The following KDM4A variants were observed in gnomAD, a reference collection of about 807,000 sequenced individuals.
The protein encoded by KDM4A is lysine-specific demethylase 4A.
A neutral mutation model predicts 127.1 loss-of-function variants in KDM4A; 23 were observed. The observed-to-expected ratio is 0.18, with a 90% confidence interval of 0.13 to 0.26. The LOEUF is 0.26. Ranked by LOEUF, KDM4A falls within the 10% of genes least tolerant of loss-of-function variation. The probability of loss-of-function intolerance (pLI) is 1.00; values close to 1 mark genes in which losing one functional copy is unlikely to be tolerated. For synonymous variants in KDM4A, 443 were observed against 466.5 expected (o/e 0.95, Z 0.65); for missense variants, 890 against 1,329.1 (o/e 0.67, Z 5.14).
chr1:43,692,348 TC>T, intron 16 of KDM4A, 37 bp downstream of exon 16: 1 of 1,573,968 alleles, frequency 6.4e-7, no homozygotes, highest in South Asian at 1.1e-5. Flanking sequence ...ATGCACAGGC[TC>T]AGTTCCGAAG....
intron 19 of KDM4A, among the ~76,000 whole-genome samples, chr1:43,701,513 G>A (rs1661393134): frequency 6.6e-6 from 1 of 151,864 alleles, no homozygotes; most frequent in South Asian, 2.1e-4. Context: ...TTAAAGACAG[G>A]GTCCTGCTCT....
chr1:43,675,527 CATG>C (rs770369087), intron 11 of KDM4A, among the ~76,000 whole-genome samples: 21 of 152,124 alleles, frequency 1.4e-4, no homozygotes, highest in Admixed American at 1.2e-3. Flanking sequence ...TCTAAATGCT[CATG>C]ATAACTCATG....
At chr1:43,690,190 C>T (rs1661076103) in intron 13 of KDM4A, among the ~76,000 whole-genome samples, 1 of 152,234 alleles carries the variant, frequency 6.6e-6, no homozygotes, top group Non-Finnish European at 1.5e-5. Flanking sequence ...AGGTGACCTG[C>T]TGACAGGCAC....
At chr1:43,656,274 C>T (rs557048008) in intron 3 of KDM4A, among the ~76,000 whole-genome samples, 3 of 138,088 alleles carry the variant, frequency 2.2e-5, no homozygotes, top group African/African-American at 8.2e-5. Context: ...ATTCCTGTCT[C>T]TTTTAGAGAT....
intron 6 of KDM4A, 140 bp downstream of exon 6, chr1:43,665,885 T>C: frequency 5.0e-6 from 4 of 801,238 alleles, no homozygotes; most frequent in Non-Finnish European, 8.5e-6. Flanking sequence ...CCACACTGGT[T>C]ACCTTAAGAG....
chr1:43,667,951 C>T lies in KDM4A; in HGVS notation c.1095C>T (p.Asn365=), dbSNP rs548185351. Reference sequence around the variant, plus strand: ...GTGAACTGCCTCCAAGAGCTGGCAACGAGGAGGAGTGCCCAGAGGAGGACA... The same window carrying T: ...GTGAACTGCCTCCAAGAGCTGGCAATGAGGAGGAGTGCCCAGAGGAGGACA... The part of the protein sequence containing the change: ...KESELPPRAG[N]EEECPEEDME... The change falls in exon 9 of 22, where the codon AAC becomes AAT. Residue 365 remains asparagine (N), a synonymous_variant. Transcript: ENST00000372396. 3.7e-5 allele frequency: 60 copies of T among 1,614,006 alleles called. No individual in the cohort carries two copies. Among genetic ancestry groups the T allele is most frequent in the South Asian group, 2.9e-4 (26 of 91,080 alleles).
intron 19 of KDM4A, among the ~76,000 whole-genome samples, chr1:43,700,842 C>T (rs1661370956): frequency 6.7e-6 from 1 of 148,952 alleles, no homozygotes. Flanking sequence ...CCTTTTATAA[C>T]ATCATACTTT....
Position 43,683,703 on chromosome 1 carries a change from T to C in KDM4A, c.1754T>C (p.Phe585Ser), listed in dbSNP as rs770085376. Residue 585 changes from phenylalanine (F) to serine (S), a missense_variant, in exon 12 of 22, where the codon TTT becomes TCT. By Grantham distance (155) the Phe-to-Ser change is radical. Coordinates refer to ENST00000372396, the MANE Select transcript of KDM4A (RefSeq NM_014663.3). ...GCCCAGGTTGCAGATGAATACATGTTTTCCCTAGAAGAGAATAAGAAGTCC... is the reference window on the plus strand; with the variant it reads ...GCCCAGGTTGCAGATGAATACATGTCTTCCCTAGAAGAGAATAAGAAGTCC... Reference protein sequence around the residue: ...ELAEVADEYMFSLEENKKSKG... With the variant: ...ELAEVADEYMSSLEENKKSKG... 3 of 1,613,442 alleles carry C rather than the reference T, an allele frequency of 1.9e-6. No homozygotes were observed. In the African/African-American group the frequency reaches 4.0e-5, roughly 22 times the overall value.
At chr1:43,703,431 G>C (rs1661458761) in intron 19 of KDM4A, 186 bp from the exon 20 acceptor site, 1 of 564,308 alleles carries the variant, frequency 1.8e-6, no homozygotes, top group South Asian at 2.6e-5. Context: ...AAGCAGGAGA[G>C]GGCAGAGATA....
At chr1:43,681,241 C>T (rs1425517845) in intron 11 of KDM4A, among the ~76,000 whole-genome samples, 1 of 152,138 alleles carries the variant, frequency 6.6e-6, no homozygotes, top group African/African-American at 2.4e-5. Flanking sequence ...CTCCCCCTCC[C>T]TGAAGCCGTC....
Position 43,693,854 on chromosome 1 carries a change from C to T in KDM4A, c.2376-140C>T, listed in dbSNP as rs1661177697. 1 of 657,752 alleles carries T rather than the reference C, an allele frequency of 1.5e-6. No individual in the cohort carries two copies. Among genetic ancestry groups the T allele is most frequent in the East Asian group, 2.7e-5 (1 of 37,272 alleles). 40.7% of individuals were successfully genotyped at this position (657,752 alleles called of 1,614,324 possible). On this transcript the variant is annotated intron_variant, in intron 16 of 21. Transcript: ENST00000372396. The surrounding 1 kb of genome is among the most constrained non-coding windows in gnomAD (Gnocchi z 4.2). The stretch of plus-strand genomic sequence containing the variant: ...AGAGGAGAGACGGTTCTGGTTCTCA[C>T]CTTCCTGGGTCCCAGGCATGTGCTG...
At chr1:43,701,893 T>C (rs1397438721) in intron 19 of KDM4A, among the ~76,000 whole-genome samples, 1 of 152,228 alleles carries the variant, frequency 6.6e-6, no homozygotes, top group Admixed American at 6.5e-5. Context: ...AAAAGTGTCT[T>C]ATGAGGACTT....
In KDM4A at chr1:43,694,893, AGGTGAGAGAG is replaced by A. The variant is rs746682075; in HGVS notation, c.2670+4_2670+13del. The A allele has an allele frequency of 1.3e-6, 2 of 1,591,172 alleles. No individual in the cohort carries two copies. The highest frequency in any genetic ancestry group is 1.7e-6 in the Non-Finnish European group (2 of 1,160,860). The stretch of plus-strand genomic sequence containing the variant: ...TTTCGGCACAAGATTCCTAATTTGG[AGGTGAGAGAG>A]GGTGTCATTCTAGAATCCTCTTGAC... On this transcript the variant is annotated splice_donor_variant and splice_donor_5th_base_variant and coding_sequence_variant and intron_variant, in exon 18 of 22. Transcript: ENST00000372396. LOFTEE classifies it high-confidence loss of function. This position sits in a 1 kb window ranked among gnomAD's most constrained non-coding sequence, Gnocchi z 5.2.
chr1:43,659,291 A>C (rs1210007734), intron 3 of KDM4A, among the ~76,000 whole-genome samples: 1 of 152,020 alleles, frequency 6.6e-6, no homozygotes, highest in Non-Finnish European at 1.5e-5. Context: ...AGGATCTTGT[A>C]TAGTTTTTTT....
At chr1:43,657,149 A>G (rs1005490339) in intron 3 of KDM4A, among the ~76,000 whole-genome samples, 1 of 151,970 alleles carries the variant, frequency 6.6e-6, no homozygotes, top group African/African-American at 2.4e-5. Context: ...CAGCCTCCCA[A>G]AGTGCTGGGA....
chr1:43,691,373 A>G (rs1425881734), intron 14 of KDM4A, 123 bp from the exon 15 acceptor site: 1 of 877,718 alleles, frequency 1.1e-6, no homozygotes, highest in Non-Finnish European at 1.9e-6. Context: ...GACTAAAGAA[A>G]ACTAAGGGGT....
In KDM4A at chr1:43,671,647, A is replaced by G. The variant is rs201313043; in HGVS notation, c.1506A>G (p.Ser502=). 6.2e-7 allele frequency: 1 copy of G among 1,613,396 alleles called. No individual in the cohort carries two copies. Among genetic ancestry groups the G allele is most frequent in the East Asian group, 2.2e-5 (1 of 44,878 alleles). The part of the protein sequence containing the change: ...PASVGGRLVF[S]GSKKKSSSSL... ...CTGTAGGGGGACGCCTTGTCTTCTC[A>G]GGCTCCAAAAAGAAATCATCTTCTA... is the stretch of plus-strand genomic sequence containing the variant. Residue 502 remains serine (S), a synonymous_variant, in exon 11 of 22, where the codon TCA becomes TCG. Coordinates refer to ENST00000372396, the MANE Select transcript of KDM4A (RefSeq NM_014663.3).
intron 3 of KDM4A, among the ~76,000 whole-genome samples, chr1:43,659,848 C>A (rs760591922): frequency 1.3e-5 from 2 of 152,166 alleles, no homozygotes; most frequent in Non-Finnish European, 2.9e-5. Context: ...AATGAGCCCT[C>A]TTGGAGCAGC....
At chr1:43,680,481 C>A (rs1202209057) in intron 11 of KDM4A, among the ~76,000 whole-genome samples, 1 of 152,186 alleles carries the variant, frequency 6.6e-6, no homozygotes, top group Admixed American at 6.5e-5. Context: ...CCTATTGCTG[C>A]TATAACAAGG....
Sources: gnomAD v4.1 joint callset for allele counts (sites outside exome capture counted in the v4.1 genomes callset) on GRCh38, gnomAD v4.1.1 for gene constraint, Gnocchi (gnomAD v3.1) non-coding constraint, MANE v1.5 for transcripts, NCBI Gene and HGNC (gene_info 2026-07-23, HGNC 2026-07-21) for gene names.